RIPOR2: variants seen among roughly 807,000 people sequenced by gnomAD.
RIPOR2 encodes RHO family interacting cell polarization regulator 2.
Under a neutral mutation model 114.5 loss-of-function variants are expected in RIPOR2, and 39 were observed. That is an observed-to-expected ratio of 0.34 (90% CI 0.26 to 0.44). RIPOR2 has a LOEUF of 0.44. Ranked by LOEUF, RIPOR2 falls within the 20% of genes least tolerant of loss-of-function variation. The probability of loss-of-function intolerance (pLI) is 1.00; values close to 1 mark genes in which losing one functional copy is unlikely to be tolerated. For missense variants in RIPOR2, 1,007 were observed against 1,255.1 expected (o/e 0.80, Z 2.99); for synonymous variants, 445 against 484.4 (o/e 0.92, Z 1.07).
intron 12 of RIPOR2, among the ~76,000 whole-genome samples, chr6:24,844,051 G>C (rs550182268): frequency 3.9e-5 from 6 of 151,998 alleles, no homozygotes; most frequent in Admixed American, 6.6e-5. Flanking sequence ...GAAAATCTCT[G>C]CCCACAAATC....
intron 1 of RIPOR2, among the ~76,000 whole-genome samples, chr6:24,993,827 G>A (rs1223254766): frequency 6.6e-6 from 1 of 152,230 alleles, no homozygotes; most frequent in Admixed American, 6.5e-5. Context: ...GAGTTGAACA[G>A]TCTCACAAAT....
chr6:24,939,064 C>T (rs2114171941), upstream of RIPOR2, among the ~76,000 whole-genome samples: 1 of 152,178 alleles, frequency 6.6e-6, no homozygotes, highest in Non-Finnish European at 1.5e-5. Flanking sequence ...GTTTTAAGTG[C>T]TTTGATTCAC....
At position 24,849,837 on chromosome 6, in the gene RIPOR2, A is replaced by T. The variant is rs780322408; in HGVS notation, c.999T>A (p.Leu333=). 6.2e-7 allele frequency: 1 copy of T among 1,613,956 alleles called. No individual in the cohort carries two copies. The highest frequency in any genetic ancestry group is 1.7e-5 in the Admixed American group (1 of 60,014). ...PQVVAVDIND[L]GTIKLNLEIT... Reference sequence around the variant, plus strand: ...TTTCCAGGTTCAGTTTGATGGTACCAAGGTCATTGATGTCGACAGCCACTA... The same window carrying T: ...TTTCCAGGTTCAGTTTGATGGTACCTAGGTCATTGATGTCGACAGCCACTA... The change falls in exon 11 of 22, where the codon CTT becomes CTA. Residue 333 remains leucine (L), a synonymous_variant. Transcript: ENST00000643898.
At chr6:24,895,154 G>A (rs1295713586) in intron 1 of RIPOR2, among the ~76,000 whole-genome samples, 2 of 152,126 alleles carry the variant, frequency 1.3e-5, no homozygotes, top group Non-Finnish European at 2.9e-5. Context: ...CCAGGTTCAA[G>A]CTATTCTCCT....
At chr6:24,872,457 G>A (rs35920321) in intron 4 of RIPOR2, among the ~76,000 whole-genome samples, 18,122 of 152,180 alleles carry the variant, frequency 0.12, 1,197 homozygotes, top group South Asian at 0.16. Flanking sequence ...GGCCTCAAGC[G>A]TTCCTCCCGC....
At chr6:25,031,764 A>AAT (rs1357662552) in intron 1 of RIPOR2, among the ~76,000 whole-genome samples, 3 of 114,138 alleles carry the variant, frequency 2.6e-5, no homozygotes, top group East Asian at 2.8e-4. Flanking sequence ...ATATCCATAG[A>AAT]ATATATATAT....
intron 4 of RIPOR2, 28 bp from the exon 5 acceptor site, chr6:24,870,917 T>G: frequency 6.7e-7 from 1 of 1,501,614 alleles, no homozygotes; most frequent in Non-Finnish European, 9.1e-7. Flanking sequence ...ATATCTGCAT[T>G]TAAACATTAT....
At chr6:24,950,650 GC>G (rs1435982216) in intron 1 of RIPOR2, among the ~76,000 whole-genome samples, 3 of 152,200 alleles carry the variant, frequency 2.0e-5, no homozygotes, top group African/African-American at 7.2e-5. Context: ...ACCGGAGCAA[GC>G]CAAAACACTT....
chr6:24,954,155 G>A (rs918750081), intron 1 of RIPOR2, among the ~76,000 whole-genome samples: 1 of 152,166 alleles, frequency 6.6e-6, no homozygotes, highest in Non-Finnish European at 1.5e-5. Flanking sequence ...CCTGGAGGGC[G>A]GGTTGGTAAC....
intron 1 of RIPOR2, among the ~76,000 whole-genome samples, chr6:24,888,733 A>C (rs1767063209): frequency 6.6e-6 from 1 of 152,214 alleles, no homozygotes; most frequent in Admixed American, 6.5e-5. Flanking sequence ...TCTTAAATGA[A>C]AGCTTTTCAG....
In RIPOR2 at chr6:24,989,891, G is replaced by A. The variant is rs544466388; in HGVS notation, c.76+51960C>T. 1.3e-4 allele frequency among the ~76,000 whole-genome samples: 19 copies of A among 151,970 alleles called. No homozygotes were observed. The South Asian group carries it at 2.3e-3, about 18-fold the overall frequency. On this transcript the variant is annotated intron_variant, in intron 1 of 13. Coordinates refer to the RIPOR2 transcript ENST00000510784. ...CTAAAAATACAAAAATTAGCCAGGC[G>A]TGGTGGTGGGCGCCTGTAATCCTAG...
At chr6:25,040,603 T>C (rs1777425920) in intron 1 of RIPOR2, among the ~76,000 whole-genome samples, 1 of 151,692 alleles carries the variant, frequency 6.6e-6, no homozygotes, top group African/African-American at 2.4e-5. Flanking sequence ...TTTTTTTTTT[T>C]TTTTTCGAGA....
intron 1 of RIPOR2, among the ~76,000 whole-genome samples, chr6:25,034,752 C>G (rs1306131662): frequency 2.0e-5 from 3 of 152,142 alleles, no homozygotes; most frequent in African/African-American, 7.2e-5. Context: ...TTCCTTTTCC[C>G]TCCACACCCT....
chr6:24,936,630 A>G (rs1771822930), upstream of RIPOR2, among the ~76,000 whole-genome samples: 2 of 152,176 alleles, frequency 1.3e-5, no homozygotes, highest in African/African-American at 2.4e-5. Context: ...TCACTAAAGG[A>G]GAAAGAAGAA....
At position 25,002,726 on chromosome 6, in the gene RIPOR2, A is replaced by G. The variant is rs183998917; in HGVS notation, c.76+39125T>C. On this transcript the variant is annotated intron_variant, in intron 1 of 13. Transcript: ENST00000510784. ...TGGACAAGAATGAAAGCAGGGACTC[A>G]GCTCCACCTGGCACGGTGTCAATCA... 6.6e-5 allele frequency among the ~76,000 whole-genome samples: 10 copies of G among 152,354 alleles called. No homozygotes were observed. The East Asian group carries it at 1.7e-3, about 26-fold the overall frequency.
intron 1 of RIPOR2, among the ~76,000 whole-genome samples, chr6:24,893,823 T>C (rs75645387): frequency 0.01 from 1,532 of 152,286 alleles, 24 homozygotes; most frequent in Admixed American, 0.043. Context: ...AGGGAGAAGC[T>C]TGTGGGAATA....
intron 1 of RIPOR2, among the ~76,000 whole-genome samples, chr6:24,922,858 C>CA (rs869160864): frequency 0.013 from 1,029 of 76,954 alleles, 6 homozygotes; most frequent in African/African-American, 0.018. Flanking sequence ...AGGACAGTCT[C>CA]AAAAAAAAAA....
chr6:24,947,370 A>G (rs376120089), intron 1 of RIPOR2, among the ~76,000 whole-genome samples: 3 of 152,244 alleles, frequency 2.0e-5, no homozygotes, highest in African/African-American at 7.2e-5. Context: ...ATGAAGAATT[A>G]TCGAGTAAGA....
intron 8 of RIPOR2, among the ~76,000 whole-genome samples, chr6:24,856,584 G>C (rs928281782): frequency 6.6e-6 from 1 of 152,086 alleles, no homozygotes. Context: ...GAGAAACTCT[G>C]TCTCTACTAA....
Sources: allele counts gnomAD v4.1 joint callset (sites outside exome capture counted in the v4.1 genomes callset), GRCh38; gene constraint gnomAD v4.1.1; transcripts MANE v1.5; gene names NCBI Gene and HGNC (gene_info 2026-07-23, HGNC 2026-07-21).